NPSR1: variants seen among roughly 807,000 people sequenced by gnomAD.
NPSR1 encodes the protein neuropeptide S receptor.
In NPSR1, 48 loss-of-function variants were observed where a neutral mutation model predicts 46.9. The observed-to-expected ratio is 1.02, with a 90% CI of 0.81 to 1.30. The LOEUF (loss-of-function observed/expected upper bound fraction) is 1.30. NPSR1 is among the 50% of genes most tolerant of loss of function. NPSR1 has a pLI of 0.00. For missense variants in NPSR1, 450 were observed against 449.5 expected (o/e 1.00, Z -0.01); for synonymous variants, 176 against 168.1 (o/e 1.05, Z -0.36).
At chr7:34,820,473 G>C (rs1789497535) in intron 4 of NPSR1, among the ~76,000 whole-genome samples, 1 of 152,104 alleles carries the variant, frequency 6.6e-6, no homozygotes, top group Non-Finnish European at 1.5e-5. Flanking sequence ...GGGGAGATAG[G>C]AGAGACATTT....
At chr7:34,786,274 C>T (rs543585331) in intron 3 of NPSR1, among the ~76,000 whole-genome samples, 1 of 152,262 alleles carries the variant, frequency 6.6e-6, no homozygotes, top group Middle Eastern at 3.4e-3. Flanking sequence ...CAAGGAATCA[C>T]TTTCTTTGCT....
At chr7:34,731,587 A>G (rs188101703) in intron 2 of NPSR1, among the ~76,000 whole-genome samples, 1 of 152,348 alleles carries the variant, frequency 6.6e-6, no homozygotes, top group Non-Finnish European at 1.5e-5. Context: ...ACAAGAAAAA[A>G]TAAATAGTAT....
intron 2 of NPSR1, among the ~76,000 whole-genome samples, chr7:34,773,441 T>C (rs1476733320): frequency 6.6e-6 from 1 of 152,126 alleles, no homozygotes; most frequent in Non-Finnish European, 1.5e-5. Context: ...TGTTTGGTAA[T>C]CTAAAAGCCC....
chr7:34,846,047 C>A (rs530940159), intron 7 of NPSR1, among the ~76,000 whole-genome samples: 1 of 152,060 alleles, frequency 6.6e-6, no homozygotes, highest in Non-Finnish European at 1.5e-5. Flanking sequence ...GCCAGCAGGA[C>A]GTAGGCACAA....
chr7:34,738,745 G>A (rs1784801101), intron 2 of NPSR1, among the ~76,000 whole-genome samples: 1 of 151,820 alleles, frequency 6.6e-6, no homozygotes, highest in South Asian at 2.1e-4. Flanking sequence ...TTTAATTGAG[G>A]TAAAATTTAT....
intron 2 of NPSR1, among the ~76,000 whole-genome samples, chr7:34,769,374 G>A (rs2128732436): frequency 6.6e-6 from 1 of 152,186 alleles, no homozygotes; most frequent in African/African-American, 2.4e-5. Flanking sequence ...CCTCACCACA[G>A]CAACTAAAGA....
intron 1 of NPSR1, among the ~76,000 whole-genome samples, chr7:34,667,731 C>T (rs557829465): frequency 6.6e-6 from 1 of 152,190 alleles, no homozygotes; most frequent in East Asian, 2.0e-4. Flanking sequence ...TGAAGATTCC[C>T]TGCCCTCTCA....
At chr7:34,685,708 C>A (rs1415870072) in intron 2 of NPSR1, 2 of 427,494 alleles carry the variant, frequency 4.7e-6, no homozygotes, top group Middle Eastern at 3.4e-4. Context: ...CTTAGCCATA[C>A]ATTGTTAGTA....
chr7:34,710,861 G>A, intron 2 of NPSR1: 1 of 473,580 alleles, frequency 2.1e-6, no homozygotes, highest in South Asian at 1.8e-5. Context: ...TGAGAAACAA[G>A]TTTGCCTCAA....
At chr7:34,858,766 G>T (rs563644581) in intron 8 of NPSR1, among the ~76,000 whole-genome samples, 1 of 151,728 alleles carries the variant, frequency 6.6e-6, no homozygotes, top group Admixed American at 6.6e-5. Flanking sequence ...ACTATCACAA[G>T]AACAGCACAG....
chr7:34,750,741 C>T, intron 2 of NPSR1: 1 of 694,904 alleles, frequency 1.4e-6, no homozygotes, highest in Non-Finnish European at 2.7e-6. Flanking sequence ...TTGCAAGGGC[C>T]TTGCTCTGTG....
chr7:34,784,741 A>T (rs1347605534), intron 3 of NPSR1, among the ~76,000 whole-genome samples: 1 of 152,112 alleles, frequency 6.6e-6, no homozygotes, highest in Non-Finnish European at 1.5e-5. Context: ...TATTGATTGG[A>T]ATAGTTTCAG....
intron 2 of NPSR1, among the ~76,000 whole-genome samples, chr7:34,721,506 GC>G (rs1221514445): frequency 6.6e-6 from 1 of 152,122 alleles, no homozygotes. Flanking sequence ...ATCACATCTT[GC>G]CAAAGCATTC....
chr7:34,870,447 G>A (rs1465954573), intron 8 of NPSR1, among the ~76,000 whole-genome samples: 1 of 151,784 alleles, frequency 6.6e-6, no homozygotes. Flanking sequence ...GGTTGAATGA[G>A]CCCAAATTGT....
intron 1 of NPSR1, among the ~76,000 whole-genome samples, chr7:34,683,708 T>C (rs1252314037): frequency 1.3e-5 from 2 of 152,078 alleles, no homozygotes; most frequent in Non-Finnish European, 2.9e-5. Flanking sequence ...GGAGGGGAAC[T>C]GAACTCATTC....
intron 2 of NPSR1, among the ~76,000 whole-genome samples, chr7:34,716,021 G>A (rs1783543869): frequency 6.6e-6 from 1 of 152,116 alleles, no homozygotes; most frequent in African/African-American, 2.4e-5. Context: ...AAAACCTTGG[G>A]GAAAGAGTGG....
At chr7:34,785,676 T>A (rs1433449246) in intron 3 of NPSR1, among the ~76,000 whole-genome samples, 2 of 152,070 alleles carry the variant, frequency 1.3e-5, no homozygotes, top group African/African-American at 4.8e-5. Flanking sequence ...TTAAAAATAA[T>A]AATAGCTACA....
chr7:34,875,984 C>T (rs1791566089), intron 8 of NPSR1, among the ~76,000 whole-genome samples: 2 of 152,138 alleles, frequency 1.3e-5, no homozygotes, highest in African/African-American at 4.8e-5. Context: ...TCCTTGGACA[C>T]ACTGCAAGGC....
At chr7:34,798,849 T>C (rs542793233) in intron 3 of NPSR1, among the ~76,000 whole-genome samples, 5 of 152,238 alleles carry the variant, frequency 3.3e-5, no homozygotes, top group South Asian at 4.1e-4. Context: ...TGTTTGGAGA[T>C]TGAACAACAC....
Sources: gnomAD v4.1 joint callset for allele counts (sites outside exome capture counted in the v4.1 genomes callset) on GRCh38, gnomAD v4.1.1 for gene constraint, MANE v1.5 for transcripts, NCBI Gene and HGNC (gene_info 2026-07-23, HGNC 2026-07-21) for gene names.